The following DNAJB12 variants were observed in gnomAD, a reference collection of about 807,000 sequenced individuals.
DNAJB12 encodes dnaJ homolog subfamily B member 12.
A neutral mutation model predicts 40.6 loss-of-function variants in DNAJB12; 14 were observed. The ratio of observed to expected loss-of-function variants is 0.34; its 90% CI spans 0.23 to 0.54. The LOEUF is 0.54. Among genes scored for constraint, DNAJB12 ranks in the 20% least tolerant of loss-of-function variants. The probability of loss-of-function intolerance (pLI) is 0.92; values close to 1 mark genes in which losing one functional copy is unlikely to be tolerated. For missense variants in DNAJB12, 444 were observed against 501.7 expected, an observed-to-expected ratio of 0.89 and a Z score of 1.10; for synonymous variants, 181 against 199.5, an observed-to-expected ratio of 0.91 and a Z score of 0.78.
In DNAJB12 at chr10:72,336,674, G is replaced by A; in HGVS notation, c.856C>T (p.Arg286Ter). 3 of 1,614,010 alleles carry A rather than the reference G, an allele frequency of 1.9e-6. No individual in the cohort carries two copies. Among genetic ancestry groups the A allele is most frequent in the Non-Finnish European group, 2.5e-6 (3 of 1,179,958 alleles). ...ACGACACCCAGGTGGTCAGTGACTC[G>A]CCTGTGGATGTGGCCCACGGACCTG... Reference protein sequence around the residue: ...PRPSVGHIHRRVTDHLGVVYY... With the variant: ...PRPSVGHIHR Residue 286 changes from arginine (R) to a stop codon, truncating the protein, a stop_gained, in exon 7 of 9, where the codon CGA becomes TGA. Coordinates refer to ENST00000444643, the MANE Select transcript of DNAJB12 (RefSeq NM_017626.7). LOFTEE classifies it high-confidence loss of function.
At chr10:72,349,995 T>C (rs994900227) in intron 1 of DNAJB12, among the ~76,000 whole-genome samples, 3 of 152,116 alleles carry the variant, frequency 2.0e-5, no homozygotes, top group Non-Finnish European at 4.4e-5. Flanking sequence ...TCAGTAAAGC[T>C]GGCAGACTTA....
chr10:72,351,579 C>G (rs923306839), intron 1 of DNAJB12, among the ~76,000 whole-genome samples: 1 of 152,226 alleles, frequency 6.6e-6, no homozygotes, highest in Admixed American at 6.5e-5. Context: ...GCTGCCATTA[C>G]CTCTCCATGG....
chr10:72,342,386 C>A (rs1336770152), intron 3 of DNAJB12, among the ~76,000 whole-genome samples: 1 of 152,238 alleles, frequency 6.6e-6, no homozygotes, highest in Non-Finnish European at 1.5e-5. Flanking sequence ...GGAATCGTCT[C>A]CTCCGCCAAT....
At chr10:72,336,499 G>A (rs1355267294) in intron 7 of DNAJB12, 25 bp downstream of exon 7, 2 of 1,607,622 alleles carry the variant, frequency 1.2e-6, no homozygotes, top group Non-Finnish European at 1.7e-6. Context: ...CCCAAATACA[G>A]CCCCCGCCTT....
chr10:72,343,817 G>A (rs1861709014), intron 2 of DNAJB12, among the ~76,000 whole-genome samples: 1 of 152,086 alleles, frequency 6.6e-6, no homozygotes, highest in Non-Finnish European at 1.5e-5. Flanking sequence ...GAGCTCAGGA[G>A]GACTGTCGGT....
chr10:72,344,089 G>C (rs1861716372), intron 2 of DNAJB12, among the ~76,000 whole-genome samples: 1 of 152,052 alleles, frequency 6.6e-6, no homozygotes, highest in Non-Finnish European at 1.5e-5. Context: ...ATGAAGGCCA[G>C]AAGTGGCAGG....
chr10:72,346,665 T>C (rs1472613425), intron 1 of DNAJB12, among the ~76,000 whole-genome samples: 2 of 152,212 alleles, frequency 1.3e-5, no homozygotes, highest in Non-Finnish European at 2.9e-5. Context: ...TTCACCATGT[T>C]GGCCAGGCTG....
chr10:72,351,299 A>C (rs2132007419), intron 1 of DNAJB12, among the ~76,000 whole-genome samples: 1 of 152,296 alleles, frequency 6.6e-6, no homozygotes, highest in Admixed American at 6.5e-5. Context: ...ACTGCTTTGC[A>C]GTTTAACTCA....
At chr10:72,343,113 A>C (rs1564820793) in intron 3 of DNAJB12, among the ~76,000 whole-genome samples, 1 of 152,238 alleles carries the variant, frequency 6.6e-6, no homozygotes, top group Admixed American at 6.5e-5. Context: ...CCTCAGCTCT[A>C]CTACGTAACC....
Position 72,345,779 on chromosome 10 carries a change from C to T in DNAJB12, c.134-652G>A, listed in dbSNP as rs570138953. On this transcript the variant is annotated intron_variant, in intron 1 of 8. Transcript: ENST00000444643. ...TAGTGGTGGGCGCCTGTAATCCCAG[C>T]TACTCGAGAGACTTGAGAGGCTGAG... Among the ~76,000 whole-genome samples, 5 of 149,996 alleles carry T rather than the reference C, an allele frequency of 3.3e-5. No homozygotes were observed. The East Asian group carries it at 7.9e-4, about 24-fold the overall frequency.
rs1430154877 is a variant in DNAJB12 at position 72,334,251 on chromosome 10, TGA to T, written c.*395_*396del. On this transcript the variant is annotated 3_prime_UTR_variant, in exon 9 of 9. Coordinates refer to ENST00000444643, the MANE Select transcript of DNAJB12 (RefSeq NM_017626.7). ...TTTGGCCAGGGCCTCTGGCTTCTCC[TGA>T]GAGGTGGCTGGTGGTGGCTCCTGTG... is the stretch of plus-strand genomic sequence containing the variant. 2.5e-5 allele frequency: 10 copies of T among 401,242 alleles called. No homozygotes were observed. The highest frequency in any genetic ancestry group is 3.6e-5 in the Non-Finnish European group (8 of 222,542). 24.9% of individuals were successfully genotyped at this position (401,242 alleles called of 1,614,324 possible).
intron 1 of DNAJB12, among the ~76,000 whole-genome samples, chr10:72,347,524 T>C (rs1294371649): frequency 6.6e-6 from 1 of 152,238 alleles, no homozygotes; most frequent in Non-Finnish European, 1.5e-5. Flanking sequence ...TTTTCACATT[T>C]TTCTAATGCA....
intron 1 of DNAJB12, among the ~76,000 whole-genome samples, chr10:72,352,643 G>A (rs979788507): frequency 6.6e-6 from 1 of 152,046 alleles, no homozygotes; most frequent in Non-Finnish European, 1.5e-5. Context: ...CTAACCTTGG[G>A]TTTATTTTTT....
At chr10:72,337,358 C>T (rs1861506396) in intron 6 of DNAJB12, among the ~76,000 whole-genome samples, 1 of 152,236 alleles carries the variant, frequency 6.6e-6, no homozygotes, top group Non-Finnish European at 1.5e-5. Context: ...AAGGGTCCTG[C>T]CAGCTCCCAG....
chr10:72,334,115 T>C lies in DNAJB12; in HGVS notation c.*533A>G, dbSNP rs1861396205. 2.6e-5 allele frequency: 1 copy of C among 38,528 alleles called. No homozygotes were observed. The highest frequency in any genetic ancestry group is 6.5e-4 in the South Asian group (1 of 1,534). 2.4% of individuals were successfully genotyped at this position (38,528 alleles called of 1,614,324 possible). On this transcript the variant is annotated 3_prime_UTR_variant, in exon 9 of 9. Transcript: ENST00000444643. Reference sequence around the variant, plus strand: ...TCCCTGCAGAGTTTAAAAAGTAGACTATATATATATATATCTTCATATATG... The same window carrying C: ...TCCCTGCAGAGTTTAAAAAGTAGACCATATATATATATATCTTCATATATG...
chr10:72,347,025 C>T (rs1861809773), intron 1 of DNAJB12, among the ~76,000 whole-genome samples: 1 of 151,316 alleles, frequency 6.6e-6, no homozygotes, highest in African/African-American at 2.4e-5. Flanking sequence ...AGTGCAATGG[C>T]ATGATCTCAG....
chr10:72,335,549 G>A lies in DNAJB12; in HGVS notation c.*30+231C>T. ...GGGGTCCCCCACACCCCTGGAGCCA[G>A]GGAGCAGAGCGGAGGAGTGGGGAGG... On this transcript the variant is annotated intron_variant, in intron 8 of 8. Transcript: ENST00000444643. This position sits in a 1 kb window ranked among gnomAD's most constrained non-coding sequence, Gnocchi z 4.4. 7.8e-7 allele frequency: 1 copy of A among 1,285,398 alleles called. No homozygotes were observed. The highest frequency in any genetic ancestry group is 9.9e-7 in the Non-Finnish European group (1 of 1,008,810). 79.6% of individuals were successfully genotyped at this position (1,285,398 alleles called of 1,614,324 possible).
intron 5 of DNAJB12, among the ~76,000 whole-genome samples, chr10:72,339,878 T>G (rs1176464205): frequency 6.6e-6 from 1 of 151,946 alleles, no homozygotes. Flanking sequence ...GCCCAGCTAA[T>G]TTTTGTATGT....
chr10:72,340,236 C>T (rs1408048151), intron 5 of DNAJB12, among the ~76,000 whole-genome samples: 4 of 151,578 alleles, frequency 2.6e-5, no homozygotes, highest in East Asian at 2.0e-4. Flanking sequence ...CCCAGTTACT[C>T]GGGAGGCTGA....
Sources: allele counts gnomAD v4.1 joint callset (sites outside exome capture counted in the v4.1 genomes callset), GRCh38; gene constraint gnomAD v4.1.1; non-coding constraint Gnocchi (gnomAD v3.1); transcripts MANE v1.5; gene names NCBI Gene and HGNC (gene_info 2026-07-23, HGNC 2026-07-21).